CSMD1: variants seen among roughly 807,000 people sequenced by gnomAD.
The protein encoded by CSMD1 is CUB and Sushi multiple domains 1, also known as CUB and sushi domain-containing protein 1.
CSMD1 carries 213 observed loss-of-function variants against 417.5 expected under a neutral mutation model. The observed-to-expected ratio is 0.51, with a 90% CI of 0.46 to 0.57. The LOEUF is 0.57. Ranked by LOEUF, CSMD1 falls within the 20% of genes least tolerant of loss-of-function variation. The pLI is 0.00. For synonymous variants in CSMD1, 2,862 were observed against 1,736.8 expected (o/e 1.65, Z -16.11); for missense variants, 6,923 against 4,529.7 (o/e 1.53, Z -15.17).
rs57059964 is a variant in CSMD1, at chr8:3,461,022, T to A, written c.1561+7690A>T. On this transcript the variant is annotated intron_variant, in intron 12 of 69. Coordinates refer to ENST00000635120, the MANE Select transcript of CSMD1 (RefSeq NM_033225.6). ...AATGGCAGTCCTCAGGAAAGCCCGT[T>A]GAGAGGATATTTGAATTTACAGCAC... Among the ~76,000 whole-genome samples, 379 of 152,246 alleles carry A rather than the reference T, an allele frequency of 2.5e-3. 5 individuals carry two copies. Among genetic ancestry groups the A allele is most frequent in the African/African-American group, 8.8e-3 (365 of 41,546 alleles).
Position 3,472,407 on chromosome 8 carries a change from G to C in CSMD1, c.1449-3583C>G, listed in dbSNP as rs552134199. ...TTTTGTCACATTTTTACCCAGCCTG[G>C]ACAACATGATTGGTACTCTGCTATT... On this transcript the variant is annotated intron_variant, in intron 11 of 69. Coordinates refer to ENST00000635120, the MANE Select transcript of CSMD1 (RefSeq NM_033225.6). Among the ~76,000 whole-genome samples the C allele has an allele frequency of 1.1e-4, 17 of 152,012 alleles. 1 individual carries two copies. The South Asian group carries it at 3.5e-3, about 32-fold the overall frequency.
intron 26 of CSMD1, among the ~76,000 whole-genome samples, chr8:3,237,067 G>A (rs142535599): frequency 1.5e-3 from 233 of 152,164 alleles, no homozygotes; most frequent in Non-Finnish European, 2.6e-3. Context: ...GGGTCTGACT[G>A]TTTCCAACAG....
chr8:4,877,379 C>T (rs1329402357), intron 1 of CSMD1, among the ~76,000 whole-genome samples: 1 of 151,884 alleles, frequency 6.6e-6, no homozygotes, highest in Admixed American at 6.6e-5. Context: ...TCATAAAGAA[C>T]TACAGAAAAA....
At chr8:4,312,439 G>A (rs112283327) in intron 3 of CSMD1, among the ~76,000 whole-genome samples, 1,643 of 110,674 alleles carry the variant, frequency 0.015, 240 homozygotes, top group African/African-American at 0.088. Flanking sequence ...ATATATATGC[G>A]TATATATATA....
intron 7 of CSMD1, among the ~76,000 whole-genome samples, chr8:3,663,324 G>C (rs2117467905): frequency 6.6e-6 from 1 of 152,262 alleles, no homozygotes; most frequent in African/African-American, 2.4e-5. Context: ...TTCAGAGGTA[G>C]GCATGGTGCG....
chr8:3,742,570 A>G (rs1190949577), intron 6 of CSMD1, among the ~76,000 whole-genome samples: 1 of 152,122 alleles, frequency 6.6e-6, no homozygotes, highest in Non-Finnish European at 1.5e-5. Flanking sequence ...AAAGTGACGC[A>G]TTGCCTCTGC....
chr8:4,628,747 G>C (rs771615767), intron 2 of CSMD1, among the ~76,000 whole-genome samples: 1 of 152,220 alleles, frequency 6.6e-6, no homozygotes, highest in Non-Finnish European at 1.5e-5. Context: ...CCTCAGGTGA[G>C]TTAGATACCC....
At chr8:3,936,293 G>A (rs1027515312) in intron 5 of CSMD1, among the ~76,000 whole-genome samples, 1 of 152,144 alleles carries the variant, frequency 6.6e-6, no homozygotes, top group African/African-American at 2.4e-5. Flanking sequence ...GATCAGTGAC[G>A]AAGGTGGCTA....
intron 3 of CSMD1, among the ~76,000 whole-genome samples, chr8:4,161,450 A>G (rs1194665247): frequency 1.3e-5 from 2 of 152,218 alleles, no homozygotes; most frequent in Non-Finnish European, 2.9e-5. Context: ...TGAAACTGGA[A>G]TAAGTTGAAT....
chr8:4,945,139 C>G (rs1439713576), intron 1 of CSMD1, among the ~76,000 whole-genome samples: 2 of 152,040 alleles, frequency 1.3e-5, no homozygotes, highest in Non-Finnish European at 2.9e-5. Context: ...GCGTAATTAG[C>G]CACCCACAAC....
chr8:4,500,342 C>G (rs1802197647), intron 2 of CSMD1, among the ~76,000 whole-genome samples: 1 of 152,124 alleles, frequency 6.6e-6, no homozygotes, highest in Non-Finnish European at 1.5e-5. Context: ...ACAGTAGAAT[C>G]ACTAAACATA....
chr8:3,302,369 C>G (rs1434192265), intron 25 of CSMD1, among the ~76,000 whole-genome samples: 2 of 152,138 alleles, frequency 1.3e-5, no homozygotes, highest in African/African-American at 4.8e-5. Flanking sequence ...CTCCTACGTC[C>G]TTCTTGGCTG....
intron 2 of CSMD1, among the ~76,000 whole-genome samples, chr8:4,473,696 G>A (rs895285714): frequency 8.5e-5 from 13 of 152,158 alleles, no homozygotes; most frequent in African/African-American, 3.1e-4. Flanking sequence ...AAAATTAAAT[G>A]ATGTAAGGTA....
At chr8:4,125,694 A>G (rs941439906) in intron 3 of CSMD1, among the ~76,000 whole-genome samples, 1 of 152,172 alleles carries the variant, frequency 6.6e-6, no homozygotes, top group African/African-American at 2.4e-5. Context: ...ATTCCTGGGC[A>G]TAGGCTGAAC....
At chr8:3,253,779 A>C (rs1003798095) in intron 26 of CSMD1, among the ~76,000 whole-genome samples, 1 of 152,034 alleles carries the variant, frequency 6.6e-6, no homozygotes, top group Non-Finnish European at 1.5e-5. Context: ...TCTGCAGGTG[A>C]GATGGGTTTC....
chr8:3,165,931 T>C (rs983817269), intron 37 of CSMD1, among the ~76,000 whole-genome samples: 12 of 151,976 alleles, frequency 7.9e-5, no homozygotes, highest in Non-Finnish European at 1.0e-4. Context: ...ATGTAGACAA[T>C]AACATAGAAG....
In CSMD1 at chr8:4,427,651, G is replaced by C. The variant is rs7815734; in HGVS notation, c.303-7586C>G. On this transcript the variant is annotated intron_variant, in intron 2 of 69. Transcript: ENST00000635120. ...TGTAATAATTACATTATTTTTATAC[G>C]TTAACTTTTGGCCTCAGAAAATAGT... Among the ~76,000 whole-genome samples, 10 of 151,936 alleles carry C rather than the reference G, an allele frequency of 6.6e-5. No homozygotes were observed. In the South Asian group the frequency reaches 2.1e-3, roughly 32 times the overall value.
chr8:3,758,629 T>A (rs377040650), intron 5 of CSMD1, among the ~76,000 whole-genome samples: 1 of 152,178 alleles, frequency 6.6e-6, no homozygotes, highest in Non-Finnish European at 1.5e-5. Context: ...TTAGGTGAAA[T>A]TGTGAACTCT....
chr8:3,730,137 G>C (rs1482956631), intron 6 of CSMD1, among the ~76,000 whole-genome samples: 4 of 151,932 alleles, frequency 2.6e-5, no homozygotes, highest in Admixed American at 2.0e-4. Flanking sequence ...GAGACAATGT[G>C]ATCATCCTGA....
Sources: allele counts gnomAD v4.1 joint callset (sites outside exome capture counted in the v4.1 genomes callset), GRCh38; gene constraint gnomAD v4.1.1; transcripts MANE v1.5; gene names NCBI Gene and HGNC (gene_info 2026-07-23, HGNC 2026-07-21).